The following ZNF385D variants were observed in gnomAD, a reference collection of about 807,000 sequenced individuals.
ZNF385D encodes the protein zinc finger protein 659.
A neutral mutation model predicts 35.8 loss-of-function variants in ZNF385D; 15 were observed. That is an observed-to-expected ratio of 0.42 (90% CI 0.28 to 0.64). The LOEUF is 0.64. ZNF385D is among the 30% of genes least tolerant of loss of function. The pLI, the probability that ZNF385D is intolerant of heterozygous loss-of-function variation, is 0.23. For missense variants in ZNF385D, 474 were observed against 494.6 expected, an observed-to-expected ratio of 0.96 and a Z score of 0.39; for synonymous variants, 212 against 186.8, an observed-to-expected ratio of 1.13 and a Z score of -1.10.
chr3:21,943,233 A>C (rs1200198919), intron 3 of ZNF385D, among the ~76,000 whole-genome samples: 1 of 151,982 alleles, frequency 6.6e-6, no homozygotes, highest in Non-Finnish European at 1.5e-5. Flanking sequence ...AAAAGCGACT[A>C]GTAAATACTA....
At chr3:22,301,310 G>C (rs1322934804) in intron 2 of ZNF385D, among the ~76,000 whole-genome samples, 1 of 151,862 alleles carries the variant, frequency 6.6e-6, no homozygotes, top group East Asian at 1.9e-4. Flanking sequence ...GGGAGATGTT[G>C]GTCAAATAAT....
chr3:21,705,461 T>G (rs2067861478), intron 1 of ZNF385D, among the ~76,000 whole-genome samples: 1 of 152,232 alleles, frequency 6.6e-6, no homozygotes, highest in Non-Finnish European at 1.5e-5. Flanking sequence ...ACTAATTAAC[T>G]TGAAATGAGC....
chr3:22,212,065 C>T (rs1428366303), intron 2 of ZNF385D, among the ~76,000 whole-genome samples: 1 of 151,968 alleles, frequency 6.6e-6, no homozygotes, highest in Non-Finnish European at 1.5e-5. Context: ...AAGTGTAGTA[C>T]TTTTGCAGCA....
chr3:22,262,798 A>G (rs1475255147), intron 2 of ZNF385D, among the ~76,000 whole-genome samples: 2 of 151,912 alleles, frequency 1.3e-5, no homozygotes, highest in Non-Finnish European at 2.9e-5. Context: ...TTAACTGCTT[A>G]TCCTCAACAT....
intron 3 of ZNF385D, among the ~76,000 whole-genome samples, chr3:22,131,461 A>T (rs1022240077): frequency 3.9e-5 from 6 of 152,200 alleles, no homozygotes; most frequent in African/African-American, 1.4e-4. Flanking sequence ...AGAGAGAAAA[A>T]TGAAGTGAAG....
At position 22,180,066 on chromosome 3, in the gene ZNF385D, A is replaced by T. The variant is rs549364401; in HGVS notation, c.107-11031T>A. On this transcript the variant is annotated intron_variant, in intron 2 of 5. Transcript: ENST00000494108. ...AAGACTAATAAAGAAGAAAAGAGAGAATAATCAAATAGATGCAATAAAAAA... is the reference window on the plus strand; with the variant it reads ...AAGACTAATAAAGAAGAAAAGAGAGTATAATCAAATAGATGCAATAAAAAA... 2.0e-5 allele frequency among the ~76,000 whole-genome samples: 3 copies of T among 152,286 alleles called. No individual in the cohort carries two copies. In the South Asian group the frequency reaches 6.2e-4, roughly 32 times the overall value.
rs1251220109 is a variant in ZNF385D, at chr3:21,647,342, A to C, written c.165+17544T>G. Among the ~76,000 whole-genome samples, 7 of 149,244 alleles carry C rather than the reference A, an allele frequency of 4.7e-5. No homozygotes were observed. In the Admixed American group the frequency reaches 4.7e-4, roughly 10 times the overall value. On this transcript the variant is annotated intron_variant, in intron 2 of 7. Coordinates refer to ENST00000281523, the MANE Select transcript of ZNF385D (RefSeq NM_024697.3). ...CCATCCTTCCTTCCTTCCTTTCTTCATTCCTTCCTCCCTCCCTCCCCCTCT... is the reference window on the plus strand; with the variant it reads ...CCATCCTTCCTTCCTTCCTTTCTTCCTTCCTTCCTCCCTCCCTCCCCCTCT...
intron 3 of ZNF385D, among the ~76,000 whole-genome samples, chr3:21,540,533 G>A (rs1043146633): frequency 6.6e-6 from 1 of 152,168 alleles, no homozygotes; most frequent in African/African-American, 2.4e-5. Flanking sequence ...CTGATGCAGA[G>A]AAAATAAGCT....
intron 4 of ZNF385D, among the ~76,000 whole-genome samples, chr3:21,506,682 C>T (rs544353058): frequency 9.9e-5 from 15 of 152,232 alleles, no homozygotes; most frequent in East Asian, 1.9e-4. Context: ...TTTGGAAATG[C>T]TCTATGAAAT....
intron 3 of ZNF385D, among the ~76,000 whole-genome samples, chr3:21,956,654 C>T (rs1165334359): frequency 6.6e-6 from 1 of 151,840 alleles, no homozygotes; most frequent in Admixed American, 6.6e-5. Flanking sequence ...TTTAGGAACA[C>T]TTATGCAATG....
At chr3:21,999,080 C>A (rs1315938943) in intron 3 of ZNF385D, among the ~76,000 whole-genome samples, 4 of 152,174 alleles carry the variant, frequency 2.6e-5, no homozygotes, top group Non-Finnish European at 5.9e-5. Context: ...CAGACGTACT[C>A]ATTCCATATT....
At chr3:22,164,413 G>C (rs149361043) in intron 3 of ZNF385D, among the ~76,000 whole-genome samples, 1 of 151,532 alleles carries the variant, frequency 6.6e-6, no homozygotes, top group Non-Finnish European at 1.5e-5. Context: ...ATTTTTAGTA[G>C]AGACGGGGTT....
intron 3 of ZNF385D, among the ~76,000 whole-genome samples, chr3:21,868,776 G>C (rs577711424): frequency 4.4e-4 from 67 of 152,226 alleles, no homozygotes; most frequent in African/African-American, 1.5e-3. Flanking sequence ...AAGATAATAT[G>C]TTTGTACCTG....
At chr3:21,897,202 T>C (rs9862765) in intron 3 of ZNF385D, among the ~76,000 whole-genome samples, 2,616 of 152,250 alleles carry the variant, frequency 0.017, 78 homozygotes, top group African/African-American at 0.058. Flanking sequence ...GACCAGAGAA[T>C]ACAATAATGG....
At chr3:21,857,461 G>T (rs1193138564) in intron 3 of ZNF385D, among the ~76,000 whole-genome samples, 1 of 151,974 alleles carries the variant, frequency 6.6e-6, no homozygotes, top group Non-Finnish European at 1.5e-5. Flanking sequence ...TTCCTACAGG[G>T]AGTACACAGG....
At chr3:22,128,356 C>T (rs1437717378) in intron 3 of ZNF385D, among the ~76,000 whole-genome samples, 1 of 151,988 alleles carries the variant, frequency 6.6e-6, no homozygotes, top group African/African-American at 2.4e-5. Context: ...TATTAAATTT[C>T]GTGAGGTACT....
chr3:22,087,390 A>G (rs1701102863), intron 3 of ZNF385D, among the ~76,000 whole-genome samples: 1 of 152,186 alleles, frequency 6.6e-6, no homozygotes, highest in African/African-American at 2.4e-5. Flanking sequence ...CCTTAAAAAC[A>G]TATATGTTAT....
intron 3 of ZNF385D, among the ~76,000 whole-genome samples, chr3:22,074,003 T>C (rs921791390): frequency 3.3e-5 from 5 of 151,992 alleles, no homozygotes; most frequent in Admixed American, 2.6e-4. Context: ...TACATTGTCT[T>C]AATGTTCTCT....
At chr3:22,220,104 T>C (rs2638137) in intron 2 of ZNF385D, among the ~76,000 whole-genome samples, 113,825 of 150,094 alleles carry the variant, frequency 0.76, 43,942 homozygotes, top group East Asian at 0.91. Context: ...GGTTTTGTCA[T>C]TCAGGCTGGA....
Sources: allele counts gnomAD v4.1 joint callset (sites outside exome capture counted in the v4.1 genomes callset), GRCh38; gene constraint gnomAD v4.1.1; transcripts MANE v1.5; gene names NCBI Gene and HGNC (gene_info 2026-07-23, HGNC 2026-07-21).